The following ADAM12 variants were observed in gnomAD, a reference collection of about 807,000 sequenced individuals.
ADAM12 encodes disintegrin and metalloproteinase domain-containing protein 12.
A neutral mutation model predicts 106.4 loss-of-function variants in ADAM12; 70 were observed. The observed-to-expected ratio is 0.66, with a 90% CI of 0.54 to 0.80. The LOEUF (loss-of-function observed/expected upper bound fraction) is 0.80. Ranked by LOEUF, ADAM12 falls within the 30% of genes least tolerant of loss-of-function variation. The pLI is 0.00. For synonymous variants in ADAM12, 420 were observed against 433.5 expected (o/e 0.97, Z 0.39); for missense variants, 1,010 against 1,171.9 (o/e 0.86, Z 2.02).
At chr10:126,326,375 T>G (rs1261973048) in intron 2 of ADAM12, among the ~76,000 whole-genome samples, 2 of 152,174 alleles carry the variant, frequency 1.3e-5, no homozygotes, top group East Asian at 3.8e-4. Context: ...GAACACCAAA[T>G]TAGACAGGGG....
intron 11 of ADAM12, 71 bp from the exon 12 acceptor site, chr10:126,071,725 C>A (rs1012712533): frequency 7.7e-6 from 12 of 1,555,124 alleles, no homozygotes; most frequent in Middle Eastern, 1.7e-4. Flanking sequence ...CTTGTGCCCA[C>A]AAGAAGGCAC....
chr10:126,385,875 T>C (rs1248958608), intron 1 of ADAM12, among the ~76,000 whole-genome samples: 4 of 152,182 alleles, frequency 2.6e-5, no homozygotes, highest in African/African-American at 4.8e-5. Flanking sequence ...TAACTCATGT[T>C]TGAAAATAAT....
intron 3 of ADAM12, among the ~76,000 whole-genome samples, chr10:126,161,017 C>G (rs1215117470): frequency 6.6e-6 from 1 of 152,214 alleles, no homozygotes; most frequent in Non-Finnish European, 1.5e-5. Flanking sequence ...GATCTCTTAT[C>G]TAAAGCAGCC....
rs200090925 is a variant in ADAM12, at chr10:126,066,758, C to T, written c.1372G>A (p.Asp458Asn). 35 of 1,614,220 alleles carry T rather than the reference C, an allele frequency of 2.2e-5. No individual in the cohort carries two copies. The highest frequency in any genetic ancestry group is 2.0e-4 in the East Asian group (9 of 44,892). Reference sequence around the variant, plus strand: ...CACAGCCCATGTGCGCACACAGCGTCCGGCTTCAGGGTACAGGTGGTGGCA... The same window carrying T: ...CACAGCCCATGTGCGCACACAGCGTTCGGCTTCAGGGTACAGGTGGTGGCA... ...CNATTCTLKP[D>N]AVCAHGLCCE... is the part of the protein sequence containing the mutation. Residue 458 changes from aspartate to asparagine, a missense_variant, in exon 13 of 23, where the codon GAC (aspartate) becomes AAC (asparagine). Asp to Asn is a conservative substitution (Grantham distance 23). This residue lies in a region of ADAM12 where 615 missense variants were observed against 708.5 expected (regional missense o/e 0.87). Coordinates refer to ENST00000448723, the MANE Select transcript of ADAM12 (RefSeq NM_001288973.2). This position sits in a 1 kb window ranked among gnomAD's most constrained non-coding sequence, Gnocchi z 5.1.
At chr10:126,377,314 C>T (rs1856328763) in intron 1 of ADAM12, among the ~76,000 whole-genome samples, 1 of 152,154 alleles carries the variant, frequency 6.6e-6, no homozygotes, top group African/African-American at 2.4e-5. Context: ...ATCACAAAGT[C>T]CCACAATAGG....
At chr10:126,268,421 C>T (rs913569951) in intron 3 of ADAM12, among the ~76,000 whole-genome samples, 3 of 152,226 alleles carry the variant, frequency 2.0e-5, no homozygotes, top group South Asian at 2.1e-4. Context: ...TTGTGAATGC[C>T]GCTGCCACGA....
intron 2 of ADAM12, among the ~76,000 whole-genome samples, chr10:126,295,675 T>C (rs1324597131): frequency 6.6e-6 from 1 of 152,096 alleles, no homozygotes. Flanking sequence ...AAATGTCTTC[T>C]CAATAACTCT....
At chr10:126,289,848 G>A (rs989970952) in intron 2 of ADAM12, among the ~76,000 whole-genome samples, 1 of 152,144 alleles carries the variant, frequency 6.6e-6, no homozygotes, top group East Asian at 1.9e-4. Flanking sequence ...TTTCTTACAA[G>A]GAAAATGGGA....
intron 3 of ADAM12, among the ~76,000 whole-genome samples, chr10:126,168,074 G>A (rs1370764927): frequency 2.0e-5 from 3 of 152,186 alleles, no homozygotes; most frequent in Non-Finnish European, 4.4e-5. Context: ...TTTAAGGAAT[G>A]TATTTACCTA....
At chr10:126,197,575 G>A (rs1957620640) in intron 3 of ADAM12, among the ~76,000 whole-genome samples, 1 of 152,210 alleles carries the variant, frequency 6.6e-6, no homozygotes. Context: ...TGGAAGTCAG[G>A]GAATTTCTCA....
At position 126,276,896 on chromosome 10, in the gene ADAM12, T is replaced by C. The variant is rs370928119; in HGVS notation, c.260+2019A>G. Among the ~76,000 whole-genome samples, 15 of 152,228 alleles carry C rather than the reference T, an allele frequency of 9.9e-5. No homozygotes were observed. The South Asian group carries it at 1.9e-3, about 19-fold the overall frequency. ...CTCTAGCAGTCAACGTGTATTATAG[T>C]ATCTGCAGTAATGGAAGGTACATCA... On this transcript the variant is annotated intron_variant, in intron 3 of 22. Coordinates refer to ENST00000448723, the MANE Select transcript of ADAM12 (RefSeq NM_001288973.2).
chr10:126,254,374 C>T (rs1287432149), intron 3 of ADAM12, among the ~76,000 whole-genome samples: 1 of 152,196 alleles, frequency 6.6e-6, no homozygotes, highest in African/African-American at 2.4e-5. Context: ...AAGCGCAAGT[C>T]ATGTGCTCCC....
At chr10:126,330,343 A>G in intron 2 of ADAM12, 69 bp downstream of exon 2, 1 of 1,286,958 alleles carries the variant, frequency 7.8e-7, no homozygotes, top group Non-Finnish European at 1.1e-6. Context: ...GAATGAGAGA[A>G]TACCAAAGCA....
At chr10:126,019,575 T>A in intron 22 of ADAM12, 120 bp downstream of exon 22, 1 of 1,303,686 alleles carries the variant, frequency 7.7e-7, no homozygotes, top group African/African-American at 1.5e-5. Flanking sequence ...TATTCCCAGT[T>A]GTAGGGGGAG....
At chr10:126,110,266 A>G (rs1193449377) in intron 6 of ADAM12, among the ~76,000 whole-genome samples, 2 of 152,190 alleles carry the variant, frequency 1.3e-5, no homozygotes, top group African/African-American at 2.4e-5. Context: ...ACGGAGTTCA[A>G]TGCACTGTGG....
intron 2 of ADAM12, among the ~76,000 whole-genome samples, chr10:126,295,930 T>C (rs201014301): frequency 4.1e-5 from 5 of 122,272 alleles, no homozygotes; most frequent in Non-Finnish European, 7.3e-5. Flanking sequence ...CACACACACA[T>C]AAACACACAC....
chr10:126,080,521 C>T (rs993057707), intron 11 of ADAM12, among the ~76,000 whole-genome samples: 10 of 148,604 alleles, frequency 6.7e-5, no homozygotes, highest in African/African-American at 1.3e-4. Flanking sequence ...GTGATACCTG[C>T]GGCCCAGGAA....
chr10:126,382,889 G>T (rs1856542798), intron 1 of ADAM12, among the ~76,000 whole-genome samples: 1 of 152,114 alleles, frequency 6.6e-6, no homozygotes, highest in African/African-American at 2.4e-5. Flanking sequence ...AAGAATAAAA[G>T]AACATTCATT....
At chr10:126,227,580 C>T (rs1012748888) in intron 3 of ADAM12, among the ~76,000 whole-genome samples, 5 of 152,102 alleles carry the variant, frequency 3.3e-5, no homozygotes, top group African/African-American at 4.8e-5. Context: ...CCAGACCCAC[C>T]GATTCAGAAT....
Sources: gnomAD v4.1 joint callset for allele counts (sites outside exome capture counted in the v4.1 genomes callset) on GRCh38, gnomAD v4.1.1 for gene constraint, gnomAD v4.1.1 regional missense constraint, Gnocchi (gnomAD v3.1) non-coding constraint, MANE v1.5 for transcripts, NCBI Gene and HGNC (gene_info 2026-07-23, HGNC 2026-07-21) for gene names.